USP10: variants seen among roughly 807,000 people sequenced by gnomAD.
USP10 encodes the protein ubiquitin carboxyl-terminal hydrolase 10.
USP10 carries 22 observed loss-of-function variants against 84.5 expected under a neutral mutation model. That is an observed-to-expected ratio of 0.26 (90% CI 0.19 to 0.37). USP10 has a LOEUF of 0.37. USP10 is among the 10% of genes least tolerant of loss of function. The pLI is 1.00. For missense variants in USP10, 1,019 were observed against 998.9 expected (o/e 1.02, Z -0.27); for synonymous variants, 454 against 387.6 (o/e 1.17, Z -2.01).
chr16:84,779,870 T>C lies in USP10; in HGVS notation c.*788T>C, dbSNP rs1915383755. ...CCTAATTGTACACAGTTTAGTGATA[T>C]CTAGGAGTATAAAGTTGTCGCCCAT... On this transcript the variant is annotated 3_prime_UTR_variant, in exon 14 of 14. Coordinates refer to ENST00000219473, the MANE Select transcript of USP10 (RefSeq NM_005153.3). 6.6e-6 allele frequency: 1 copy of C among 152,302 alleles called. No homozygotes were observed. The highest frequency in any genetic ancestry group is 6.5e-5 in the Admixed American group (1 of 15,288). The allele number at this position is 152,302 out of a possible 1,614,324, so 9.4% of individuals were successfully genotyped here.
chr16:84,726,712 G>A (rs1567604558), intron 1 of USP10, among the ~76,000 whole-genome samples: 2 of 152,246 alleles, frequency 1.3e-5, no homozygotes, highest in Admixed American at 6.5e-5. Flanking sequence ...GGCCGGATGG[G>A]ATATGAGGGG....
chr16:84,760,888 G>A (rs925425914), intron 8 of USP10, among the ~76,000 whole-genome samples: 9 of 152,166 alleles, frequency 5.9e-5, no homozygotes, highest in African/African-American at 1.9e-4. Flanking sequence ...ATCAGTACAA[G>A]CAGTTGAAAT....
In USP10 at chr16:84,767,140, G is replaced by A. The variant is rs1315244407; in HGVS notation, c.1833-1053G>A. On this transcript the variant is annotated intron_variant, in intron 10 of 13. Transcript: ENST00000219473. The stretch of plus-strand genomic sequence containing the variant: ...GCGTAATTAAACCCTGGACAGAAAA[G>A]CTTTTAGCGAGCTCTTCACCGCATC... 3.3e-5 allele frequency among the ~76,000 whole-genome samples: 5 copies of A among 152,010 alleles called. No individual in the cohort carries two copies. In the East Asian group the frequency reaches 9.6e-4, roughly 29 times the overall value.
At chr16:84,775,396 G>A (rs1480622619) in intron 13 of USP10, among the ~76,000 whole-genome samples, 171 bp downstream of exon 13, 1 of 152,224 alleles carries the variant, frequency 6.6e-6, no homozygotes, top group African/African-American at 2.4e-5. Context: ...ACTCTGCGTA[G>A]ATGACGGATT....
At chr16:84,743,981 G>A (rs16974500) in intron 3 of USP10, among the ~76,000 whole-genome samples, 12,813 of 152,208 alleles carry the variant, frequency 0.084, 716 homozygotes, top group East Asian at 0.22. Context: ...GGTTACCAGC[G>A]GAGGAGACCA....
At chr16:84,758,188 G>A (rs981966406) in intron 4 of USP10, among the ~76,000 whole-genome samples, 2 of 152,196 alleles carry the variant, frequency 1.3e-5, no homozygotes, top group Admixed American at 6.5e-5. Flanking sequence ...GTAGGAGACC[G>A]CTGTCTCTGA....
rs183252647 is a variant in USP10, at chr16:84,719,602, C to A, written c.22-13833C>A. 5.9e-5 allele frequency among the ~76,000 whole-genome samples: 9 copies of A among 152,266 alleles called. No individual in the cohort carries two copies. The East Asian group carries it at 1.7e-3, about 29-fold the overall frequency. On this transcript the variant is annotated intron_variant, in intron 1 of 13. Transcript: ENST00000219473. Reference sequence around the variant, plus strand: ...CTCCCCTGCTAGGTGAGTACCACCGCGGATTGGTTACCTGCTTTTATGTGG... The same window carrying A: ...CTCCCCTGCTAGGTGAGTACCACCGAGGATTGGTTACCTGCTTTTATGTGG...
intron 1 of USP10, among the ~76,000 whole-genome samples, chr16:84,725,243 G>GGCAACCA (rs1908306556): frequency 6.6e-6 from 1 of 152,156 alleles, no homozygotes; most frequent in African/African-American, 2.4e-5. Context: ...TGATCTTTCT[G>GGCAACCA]TGTCTGGTAA....
rs1292030919 is a variant in USP10, at chr16:84,754,959, G to A, written c.1193-3757G>A. On this transcript the variant is annotated intron_variant, in intron 4 of 13. Coordinates refer to ENST00000219473, the MANE Select transcript of USP10 (RefSeq NM_005153.3). ...AGTTCGAGACCAGCCTGGCCAATGT[G>A]GCAAAACCCTGTCTCTAGACTTTGT... is the stretch of plus-strand genomic sequence containing the variant. Among the ~76,000 whole-genome samples the A allele has an allele frequency of 3.3e-5, 5 of 150,162 alleles. No homozygotes were observed. The East Asian group carries it at 9.9e-4, about 30-fold the overall frequency.
intron 2 of USP10, among the ~76,000 whole-genome samples, chr16:84,735,154 C>G (rs1398887714): frequency 6.6e-6 from 1 of 151,364 alleles, no homozygotes; most frequent in Non-Finnish European, 1.5e-5. Flanking sequence ...GCTTCAGCCC[C>G]TGAATAGCTG....
In USP10 at chr16:84,715,697, A is replaced by T. The variant is rs142860211; in HGVS notation, c.21+15586A>T. On this transcript the variant is annotated intron_variant, in intron 1 of 13. Transcript: ENST00000219473. ...GCTTTCTAACTGGCTTACACCATAA[A>T]CTAGAGATTTAGTGGCTCATGTAAC... is the stretch of plus-strand genomic sequence containing the variant. 1.5e-3 allele frequency among the ~76,000 whole-genome samples: 222 copies of T among 152,230 alleles called. 1 individual carries two copies. The East Asian group carries it at 0.038, about 26-fold the overall frequency.
chr16:84,717,318 A>T (rs963259962), intron 1 of USP10, among the ~76,000 whole-genome samples: 1 of 152,072 alleles, frequency 6.6e-6, no homozygotes, highest in African/African-American at 2.4e-5. Context: ...AAAGATTAGG[A>T]ATCCTCCCTT....
chr16:84,719,849 G>A lies in USP10; in HGVS notation c.22-13586G>A, dbSNP rs539197820. Among the ~76,000 whole-genome samples, 10 of 152,364 alleles carry A rather than the reference G, an allele frequency of 6.6e-5. 2 individuals carry two copies. Among genetic ancestry groups the A allele is most frequent in the African/African-American group, 2.4e-4 (10 of 41,594 alleles). The stretch of plus-strand genomic sequence containing the variant: ...CATAATTTAAATCTTTGGAGGGCAT[G>A]TTTCGACAGATCATTAGGTGAAGGT... On this transcript the variant is annotated intron_variant, in intron 1 of 13. Coordinates refer to ENST00000219473, the MANE Select transcript of USP10 (RefSeq NM_005153.3).
intron 1 of USP10, among the ~76,000 whole-genome samples, chr16:84,725,962 A>G (rs55927324): frequency 0.018 from 2,719 of 152,250 alleles, 82 homozygotes; most frequent in African/African-American, 0.062. Flanking sequence ...TGGTTATACC[A>G]TTTGCCACTG....
chr16:84,721,813 T>C lies in USP10; in HGVS notation c.22-11622T>C, dbSNP rs543165567. 2.0e-3 allele frequency among the ~76,000 whole-genome samples: 298 copies of C among 152,354 alleles called. 2 individuals carry two copies. Among genetic ancestry groups the C allele is most frequent in the African/African-American group, 6.5e-3 (272 of 41,578 alleles). On this transcript the variant is annotated intron_variant, in intron 1 of 13. Coordinates refer to ENST00000219473, the MANE Select transcript of USP10 (RefSeq NM_005153.3). Reference sequence around the variant, plus strand: ...CCCGGGTTCAAGCAATTCTCCTGCCTCAGCCTCTCGAGTAGCTGGGACTAC... The same window carrying C: ...CCCGGGTTCAAGCAATTCTCCTGCCCCAGCCTCTCGAGTAGCTGGGACTAC...
Position 84,760,491 on chromosome 16 carries a change from A to G in USP10, c.1554+216A>G, listed in dbSNP as rs574569342. Among the ~76,000 whole-genome samples the G allele has an allele frequency of 4.0e-4, 61 of 152,320 alleles. No homozygotes were observed. In the South Asian group the frequency reaches 0.012, roughly 31 times the overall value. ...AGTTGACTCTGAATAAAGTATGATT[A>G]TGGTCTCCTTGTTACGGTTAAGAGA... On this transcript the variant is annotated intron_variant, in intron 8 of 13. Coordinates refer to ENST00000219473, the MANE Select transcript of USP10 (RefSeq NM_005153.3).
At chr16:84,714,237 C>T (rs1286236841) in intron 1 of USP10, among the ~76,000 whole-genome samples, 2 of 152,206 alleles carry the variant, frequency 1.3e-5, no homozygotes, top group Non-Finnish European at 2.9e-5. Context: ...CGGGAGCCAG[C>T]TCGTTGTGGT....
chr16:84,702,238 A>G (rs1042213213), intron 1 of USP10, among the ~76,000 whole-genome samples: 5 of 151,148 alleles, frequency 3.3e-5, no homozygotes, highest in African/African-American at 1.2e-4. Context: ...TTGTATTTTT[A>G]TTAAAGACGG....
chr16:84,733,109 A>G (rs1476031114), intron 1 of USP10: 2 of 471,710 alleles, frequency 4.2e-6, no homozygotes, highest in Admixed American at 2.3e-5. Flanking sequence ...CAGAAAGGTA[A>G]ATGGAACAAC....
Sources: gnomAD v4.1 joint callset for allele counts (sites outside exome capture counted in the v4.1 genomes callset) on GRCh38, gnomAD v4.1.1 for gene constraint, MANE v1.5 for transcripts, NCBI Gene and HGNC (gene_info 2026-07-23, HGNC 2026-07-21) for gene names.